PLCH1: variants seen among roughly 807,000 people sequenced by gnomAD.
The protein encoded by PLCH1 is phospholipase C eta 1.
A neutral mutation model predicts 126.7 loss-of-function variants in PLCH1; 60 were observed. That is an observed-to-expected ratio of 0.47 (90% CI 0.38 to 0.59). The LOEUF (loss-of-function observed/expected upper bound fraction) is 0.59. Ranked by LOEUF, PLCH1 falls within the 20% of genes least tolerant of loss-of-function variation. The pLI is 0.00. For missense variants in PLCH1, 1,723 were observed against 2,040.0 expected (o/e 0.84, Z 2.99); for synonymous variants, 719 against 734.9 (o/e 0.98, Z 0.35).
chr3:155,645,455 A>G (rs1466549982), intron 2 of PLCH1, among the ~76,000 whole-genome samples: 1 of 152,096 alleles, frequency 6.6e-6, no homozygotes, highest in Non-Finnish European at 1.5e-5. Flanking sequence ...ACTAGTCATG[A>G]AGGAAGGAGT....
intron 1 of PLCH1, among the ~76,000 whole-genome samples, chr3:155,741,684 C>CTTTTATTTTTTTTTATTTTTATTTT: frequency 9.7e-6 from 1 of 102,868 alleles, no homozygotes; most frequent in Non-Finnish European, 1.7e-5. Flanking sequence ...TTTATATCCT[C>CTTTTATTTTTTTTTATTTTTATTTT]TTTTTTTTTT....
At chr3:155,678,932 A>G (rs1744298462) in intron 2 of PLCH1, among the ~76,000 whole-genome samples, 1 of 152,224 alleles carries the variant, frequency 6.6e-6, no homozygotes. Context: ...TAAATTTACA[A>G]TCAGTGAAGG....
At chr3:155,501,290 T>C (rs16825046) in intron 13 of PLCH1, among the ~76,000 whole-genome samples, 23,428 of 152,110 alleles carry the variant, frequency 0.15, 2,338 homozygotes, top group African/African-American at 0.29. Flanking sequence ...CTAAATCAAA[T>C]TTCCCTTTTG....
chr3:155,687,213 T>A (rs1444653819), intron 2 of PLCH1, among the ~76,000 whole-genome samples: 1 of 152,214 alleles, frequency 6.6e-6, no homozygotes, highest in Non-Finnish European at 1.5e-5. Flanking sequence ...AAGTATAGAT[T>A]AATGATTAGT....
chr3:155,728,800 T>C (rs937756372), intron 1 of PLCH1, among the ~76,000 whole-genome samples: 1 of 152,176 alleles, frequency 6.6e-6, no homozygotes, highest in Non-Finnish European at 1.5e-5. Flanking sequence ...ACAATACTGA[T>C]TGGAAATTAA....
chr3:155,466,028 C>T (rs535084998), intron 21 of PLCH1, among the ~76,000 whole-genome samples: 25 of 152,352 alleles, frequency 1.6e-4, no homozygotes, highest in African/African-American at 5.0e-4. Flanking sequence ...TCCTGGAAGG[C>T]ACCTCTGGGC....
intron 6 of PLCH1, among the ~76,000 whole-genome samples, chr3:155,582,970 G>C (rs1730906933): frequency 1.3e-5 from 2 of 151,460 alleles, no homozygotes; most frequent in Admixed American, 6.6e-5. Context: ...ATGATCAAAT[G>C]GCAATTTACT....
At chr3:155,692,245 A>G (rs1236190214) in intron 2 of PLCH1, among the ~76,000 whole-genome samples, 1 of 152,190 alleles carries the variant, frequency 6.6e-6, no homozygotes, top group Non-Finnish European at 1.5e-5. Flanking sequence ...CTCTGCAAAT[A>G]GTCTATAAAG....
intron 5 of PLCH1, among the ~76,000 whole-genome samples, chr3:155,585,858 C>T (rs1421940460): frequency 6.6e-6 from 1 of 152,076 alleles, no homozygotes; most frequent in Non-Finnish European, 1.5e-5. Context: ...AACAAAAAAG[C>T]GTTTTAGGAA....
At chr3:155,699,391 T>C (rs892143439) in intron 2 of PLCH1, among the ~76,000 whole-genome samples, 5 of 152,222 alleles carry the variant, frequency 3.3e-5, no homozygotes, top group African/African-American at 4.8e-5. Context: ...ACTTTTAATC[T>C]TAATGATGTT....
chr3:155,538,496 C>T (rs1331426918), intron 10 of PLCH1, among the ~76,000 whole-genome samples: 4 of 151,928 alleles, frequency 2.6e-5, no homozygotes, highest in Non-Finnish European at 4.4e-5. Flanking sequence ...ATTGATAGAC[C>T]ATTTGCAAGA....
chr3:155,724,441 A>G (rs1363847396), intron 1 of PLCH1, among the ~76,000 whole-genome samples: 2 of 152,126 alleles, frequency 1.3e-5, no homozygotes, highest in East Asian at 1.9e-4. Context: ...GTGCATATAT[A>G]TTTAGAATTG....
intron 2 of PLCH1, among the ~76,000 whole-genome samples, chr3:155,686,713 C>T (rs1055130720): frequency 8.9e-4 from 136 of 152,286 alleles, no homozygotes; most frequent in African/African-American, 2.9e-3. Flanking sequence ...AGGCATCTCC[C>T]ATATGCAAGG....
At chr3:155,662,465 C>CT (rs1742279665) in intron 2 of PLCH1, among the ~76,000 whole-genome samples, 1 of 149,568 alleles carries the variant, frequency 6.7e-6, no homozygotes, top group Non-Finnish European at 1.5e-5. Flanking sequence ...GACACCGTCT[C>CT]TAAAAAAAAA....
chr3:155,735,101 G>GT (rs962794932), intron 1 of PLCH1, among the ~76,000 whole-genome samples: 6 of 152,290 alleles, frequency 3.9e-5, no homozygotes, highest in African/African-American at 1.4e-4. Context: ...GGTAAATGAA[G>GT]TAAGTCAGAC....
At chr3:155,461,825 C>A (rs1712738394) in intron 21 of PLCH1, among the ~76,000 whole-genome samples, 1 of 152,120 alleles carries the variant, frequency 6.6e-6, no homozygotes, top group Admixed American at 6.5e-5. Context: ...ATCAGCCAGC[C>A]CCCTCCTTTG....
At chr3:155,535,280 G>T (rs561695422) in intron 10 of PLCH1, among the ~76,000 whole-genome samples, 3 of 152,306 alleles carry the variant, frequency 2.0e-5, no homozygotes, top group Non-Finnish European at 4.4e-5. Flanking sequence ...GAATCTGGGG[G>T]CAGTGACGGG....
At chr3:155,707,428 C>T (rs1391178585) in intron 1 of PLCH1, among the ~76,000 whole-genome samples, 1 of 152,154 alleles carries the variant, frequency 6.6e-6, no homozygotes, top group African/African-American at 2.4e-5. Flanking sequence ...GTGGCTCACG[C>T]CTGTAATCCC....
chr3:155,721,055 A>C (rs764295805), intron 1 of PLCH1, among the ~76,000 whole-genome samples: 1 of 152,078 alleles, frequency 6.6e-6, no homozygotes, highest in Non-Finnish European at 1.5e-5. Context: ...TGGGTTCTCT[A>C]TTCTGCTCCA....
Sources: allele counts gnomAD v4.1 joint callset (sites outside exome capture counted in the v4.1 genomes callset), GRCh38; gene constraint gnomAD v4.1.1; transcripts MANE v1.5; gene names NCBI Gene and HGNC (gene_info 2026-07-23, HGNC 2026-07-21).